C12orf42: variants seen among roughly 807,000 people sequenced by gnomAD.
C12orf42 encodes chromosome 12 open reading frame 42.
In C12orf42, 25 loss-of-function variants were observed where a neutral mutation model predicts 21.6. The observed-to-expected ratio is 1.16, with a 90% CI of 0.84 to 1.62. The LOEUF is 1.62. Ranked by LOEUF, C12orf42 falls within the 40% of genes most tolerant of loss-of-function variation. The probability of loss-of-function intolerance (pLI) is 0.00; values close to 1 mark genes in which losing one functional copy is unlikely to be tolerated. For synonymous variants in C12orf42, 174 were observed against 175.0 expected, an observed-to-expected ratio of 0.99 and a Z score of 0.05; for missense variants, 483 against 459.3, an observed-to-expected ratio of 1.05 and a Z score of -0.47.
chr12:103,320,693 C>T (rs1322637457), intron 4 of C12orf42, among the ~76,000 whole-genome samples: 1 of 151,810 alleles, frequency 6.6e-6, no homozygotes, highest in Non-Finnish European at 1.5e-5. Flanking sequence ...TATTAAATAT[C>T]ATCTTTTTAA....
intron 3 of C12orf42, among the ~76,000 whole-genome samples, chr12:103,374,359 T>C (rs190774616): frequency 6.6e-6 from 1 of 152,242 alleles, no homozygotes; most frequent in Admixed American, 6.5e-5. Flanking sequence ...CAGCGAGATA[T>C]AATGGGATAT....
the C12orf42 span, among the ~76,000 whole-genome samples, chr12:103,192,252 C>T: frequency 2.6e-5 from 4 of 152,046 alleles, no homozygotes; most frequent in Non-Finnish European, 5.9e-5. Context: ...TGTCTGTAAT[C>T]CCAGAACTTT....
At chr12:103,485,483 A>G (rs1201587942) in intron 1 of C12orf42, among the ~76,000 whole-genome samples, 1 of 152,162 alleles carries the variant, frequency 6.6e-6, no homozygotes, top group Non-Finnish European at 1.5e-5. Context: ...ATGAACTTTA[A>G]AGTAGTTTTT....
chr12:103,277,785 A>C (rs1272505521), intron 4 of C12orf42, among the ~76,000 whole-genome samples: 1 of 151,958 alleles, frequency 6.6e-6, no homozygotes, highest in East Asian at 1.9e-4. Context: ...ACGCCCGGCT[A>C]ATTTTTTGTA....
At chr12:103,207,748 T>C in the C12orf42 span, among the ~76,000 whole-genome samples, 1 of 152,202 alleles carries the variant, frequency 6.6e-6, no homozygotes, top group East Asian at 1.9e-4. Context: ...CATCTGGGCC[T>C]ATCACTTAAA....
the C12orf42 span, among the ~76,000 whole-genome samples, chr12:103,529,113 GC>G: frequency 6.6e-6 from 1 of 152,046 alleles, no homozygotes; most frequent in Non-Finnish European, 1.5e-5. Context: ...ACCAATAAAT[GC>G]CCATCCTCCA....
At chr12:103,430,572 A>G (rs1439175048) in intron 2 of C12orf42, among the ~76,000 whole-genome samples, 1 of 152,248 alleles carries the variant, frequency 6.6e-6, no homozygotes, top group Non-Finnish European at 1.5e-5. Flanking sequence ...TCAAGGATCT[A>G]GAACCAGAAA....
chr12:103,145,535 T>C, the C12orf42 span, among the ~76,000 whole-genome samples: 3 of 152,226 alleles, frequency 2.0e-5, no homozygotes, highest in Non-Finnish European at 4.4e-5. Context: ...AAGATTAAAT[T>C]GATACAGCCT....
chr12:103,049,007 G>C, the C12orf42 span, among the ~76,000 whole-genome samples: 1 of 152,150 alleles, frequency 6.6e-6, no homozygotes, highest in African/African-American at 2.4e-5. Flanking sequence ...CACAGGATAG[G>C]TTTCGTCCTT....
the C12orf42 span, among the ~76,000 whole-genome samples, chr12:103,048,431 C>A: frequency 1.3e-5 from 2 of 152,064 alleles, no homozygotes; most frequent in African/African-American, 4.8e-5. Context: ...CACCCTCCCC[C>A]ATATATGCAA....
the C12orf42 span, among the ~76,000 whole-genome samples, chr12:103,134,243 T>C: frequency 6.6e-6 from 1 of 152,100 alleles, no homozygotes; most frequent in Admixed American, 6.5e-5. Flanking sequence ...ACAATAGTTC[T>C]CCAGCAACAG....
chr12:103,211,035 T>A, the C12orf42 span, among the ~76,000 whole-genome samples: 1 of 152,150 alleles, frequency 6.6e-6, no homozygotes, highest in African/African-American at 2.4e-5. Context: ...GGATTGATTG[T>A]TCTTTAGTCT....
chr12:103,308,647 G>A (rs991168713), intron 4 of C12orf42, among the ~76,000 whole-genome samples: 1 of 152,184 alleles, frequency 6.6e-6, no homozygotes, highest in African/African-American at 2.4e-5. Flanking sequence ...CAAATAAAGG[G>A]CAATTTGCAG....
chr12:103,401,773 A>C (rs187412901), intron 2 of C12orf42, 98 bp from the exon 3 acceptor site: 1 of 1,119,780 alleles, frequency 8.9e-7, no homozygotes, highest in Non-Finnish European at 1.3e-6. Context: ...TCAGAAGCTA[A>C]TTCTTTCAAA....
At chr12:103,539,003 C>T in the C12orf42 span, among the ~76,000 whole-genome samples, 3 of 152,046 alleles carry the variant, frequency 2.0e-5, no homozygotes, top group Non-Finnish European at 2.9e-5. Context: ...AAGGCAAGCA[C>T]GAGTACAAAT....
intron 1 of C12orf42, among the ~76,000 whole-genome samples, chr12:103,488,205 G>T (rs11111606): frequency 0.22 from 33,844 of 152,026 alleles, 4,485 homozygotes; most frequent in African/African-American, 0.36. Context: ...TATTTCTCCT[G>T]CACTTATGAA....
the C12orf42 span, among the ~76,000 whole-genome samples, chr12:103,528,592 T>C: frequency 1.3e-5 from 2 of 152,174 alleles, no homozygotes; most frequent in Non-Finnish European, 2.9e-5. Context: ...CCCTCCTCTC[T>C]CTTGCCTCCT....
At chr12:103,460,168 A>C (rs1952592506) in intron 2 of C12orf42, among the ~76,000 whole-genome samples, 3 of 152,106 alleles carry the variant, frequency 2.0e-5, no homozygotes, top group Admixed American at 1.3e-4. Context: ...CCAACTATCC[A>C]TGTGGCACAT....
At chr12:103,053,001 G>A in the C12orf42 span, among the ~76,000 whole-genome samples, 2 of 151,516 alleles carry the variant, frequency 1.3e-5, no homozygotes, top group South Asian at 2.1e-4. Flanking sequence ...CTTTATCTTC[G>A]GTCACTTATT....
Sources: allele counts gnomAD v4.1 joint callset (sites outside exome capture counted in the v4.1 genomes callset), GRCh38; gene constraint gnomAD v4.1.1; transcripts MANE v1.5; gene names NCBI Gene and HGNC (gene_info 2026-07-23, HGNC 2026-07-21).